Variants in INPP5F observed in about 807,000 individuals in gnomAD.
INPP5F encodes the protein inositol polyphosphate-5-phosphatase F.
In INPP5F, 97 loss-of-function variants were observed where a neutral mutation model predicts 137.2. The ratio of observed to expected loss-of-function variants is 0.71; its 90% CI spans 0.60 to 0.84. The LOEUF (loss-of-function observed/expected upper bound fraction) is 0.84. INPP5F is among the 40% of genes least tolerant of loss of function. The pLI is 0.00. For missense variants in INPP5F, 1,271 were observed against 1,371.9 expected (o/e 0.93, Z 1.16); for synonymous variants, 504 against 476.9 (o/e 1.06, Z -0.74).
chr10:119,774,928 T>C (rs1175106474), intron 2 of INPP5F, among the ~76,000 whole-genome samples: 1 of 152,120 alleles, frequency 6.6e-6, no homozygotes, highest in Non-Finnish European at 1.5e-5. Context: ...ATGAAAAATA[T>C]ACAGCATATA....
chr10:119,822,294 C>T (rs546116857), intron 16 of INPP5F, 137 bp from the exon 17 acceptor site: 6 of 489,300 alleles, frequency 1.2e-5, no homozygotes, highest in Non-Finnish European at 2.2e-5. Flanking sequence ...TTATGTTTAA[C>T]ATTTTACCCC....
chr10:119,751,127 G>T lies in INPP5F; in HGVS notation c.149G>T (p.Gly50Val). The change falls in exon 2 of 20, where the codon GGT becomes GTT. Residue 50 changes from glycine to valine, a missense_variant. Coordinates refer to ENST00000650623, the MANE Select transcript of INPP5F (RefSeq NM_014937.4). The stretch of plus-strand genomic sequence containing the variant: ...CCCATTTGTTTGGGGTTGGTAGAAG[G>T]TGTTATTGGGAAAATTCAACTTCAT... ...WNPICLGLVE[G>V]VIGKIQLHSD... 1 of 1,610,490 alleles carries T rather than the reference G, an allele frequency of 6.2e-7. No individual in the cohort carries two copies. The highest frequency in any genetic ancestry group is 8.5e-7 in the Non-Finnish European group (1 of 1,176,726).
chr10:119,742,152 C>CTTACTTAT (rs112362003), intron 1 of INPP5F, among the ~76,000 whole-genome samples: 78 of 150,220 alleles, frequency 5.2e-4, no homozygotes, highest in Middle Eastern at 3.4e-3. Flanking sequence ...TGTTATTTTA[C>CTTACTTAT]TTATTTATTT....
At chr10:119,819,594 C>T (rs1282370231) in intron 15 of INPP5F, 4 of 1,415,322 alleles carry the variant, frequency 2.8e-6, no homozygotes, top group South Asian at 1.4e-5. Flanking sequence ...GTATTATTCT[C>T]TATGAAGCTG....
In INPP5F at chr10:119,822,970, C is replaced by A. The variant is rs533723299; in HGVS notation, c.2033-101C>A. ...CAGAAGTTTGTATTTTGTGTGCTGT[C>A]ATTTATATTATGAAGAAAAATGTGT... On this transcript the variant is annotated intron_variant, in intron 17 of 19. Coordinates refer to ENST00000650623, the MANE Select transcript of INPP5F (RefSeq NM_014937.4). The A allele has an allele frequency of 1.1e-4, 125 of 1,185,968 alleles. No individual in the cohort carries two copies. In the African/African-American group the frequency reaches 1.7e-3, roughly 16 times the overall value. The allele number at this position is 1,185,968 out of a possible 1,614,324, so 73.5% of individuals were successfully genotyped here.
At chr10:119,732,697 C>T (rs1050603214) in intron 1 of INPP5F, among the ~76,000 whole-genome samples, 2 of 151,730 alleles carry the variant, frequency 1.3e-5, no homozygotes, top group African/African-American at 4.8e-5. Flanking sequence ...GACGGGGTTT[C>T]GCCGTATTGG....
intron 1 of INPP5F, among the ~76,000 whole-genome samples, chr10:119,738,196 T>C (rs745548344): frequency 1.3e-5 from 2 of 152,260 alleles, no homozygotes; most frequent in African/African-American, 2.4e-5. Flanking sequence ...TTAGGGTGTA[T>C]GTTGCATTAT....
chr10:119,733,634 A>G (rs986073554), intron 1 of INPP5F, among the ~76,000 whole-genome samples: 9 of 152,158 alleles, frequency 5.9e-5, no homozygotes, highest in South Asian at 2.1e-4. Flanking sequence ...TTGTAGAATC[A>G]CTGGTTCCTA....
intron 1 of INPP5F, among the ~76,000 whole-genome samples, chr10:119,726,724 C>T (rs1847904433): frequency 6.6e-6 from 1 of 152,232 alleles, no homozygotes; most frequent in Non-Finnish European, 1.5e-5. Context: ...TGGAGTAGTT[C>T]TTACATGGCC....
At chr10:119,763,123 G>A (rs1302585941) in intron 2 of INPP5F, among the ~76,000 whole-genome samples, 1 of 152,196 alleles carries the variant, frequency 6.6e-6, no homozygotes, top group South Asian at 2.1e-4. Context: ...AAATAGGAAA[G>A]AAGAAAGAGG....
chr10:119,778,390 A>C (rs1001695482), intron 2 of INPP5F, among the ~76,000 whole-genome samples: 5 of 152,194 alleles, frequency 3.3e-5, no homozygotes, highest in Non-Finnish European at 7.3e-5. Flanking sequence ...CACAATTTCA[A>C]TAATTTTTGG....
chr10:119,750,955 A>T, intron 1 of INPP5F, 121 bp from the exon 2 acceptor site: 1 of 689,990 alleles, frequency 1.4e-6, no homozygotes, highest in East Asian at 2.6e-5. Flanking sequence ...AATGTATTCC[A>T]TTTGGATATT....
intron 2 of INPP5F, among the ~76,000 whole-genome samples, chr10:119,762,516 G>C (rs542388588): frequency 6.6e-6 from 1 of 152,200 alleles, no homozygotes; most frequent in South Asian, 2.1e-4. Context: ...ATACAGTCAC[G>C]GTCCTCCCTA....
At position 119,806,455 on chromosome 10, in the gene INPP5F, T is replaced by C; in HGVS notation, c.1415T>C (p.Ile472Thr). The C allele has an allele frequency of 6.2e-7, 1 of 1,608,222 alleles. No homozygotes were observed. The highest frequency in any genetic ancestry group is 8.5e-7 in the Non-Finnish European group (1 of 1,177,726). Reference sequence around the variant, plus strand: ...CGCACCAACGTGGTCCAAGCTGCCATCGCGAGAGTGGTCATGGAACAGCAG... The same window carrying C: ...CGCACCAACGTGGTCCAAGCTGCCACCGCGAGAGTGGTCATGGAACAGCAG... ...LDRTNVVQAA[I>T]ARVVMEQQLK... Residue 472 changes from isoleucine (I) to threonine (T), a missense_variant, in exon 12 of 20, where the codon ATC (isoleucine) becomes ACC (threonine). Coordinates refer to ENST00000650623, the MANE Select transcript of INPP5F (RefSeq NM_014937.4).
At chr10:119,800,589 A>C (rs1360918642) in intron 9 of INPP5F, among the ~76,000 whole-genome samples, 1 of 151,736 alleles carries the variant, frequency 6.6e-6, no homozygotes, top group African/African-American at 2.4e-5. Context: ...AAAACCTAAA[A>C]GTTTATTCAA....
In INPP5F at chr10:119,739,022, G is replaced by GAA. The variant is rs11418849; in HGVS notation, c.98-12042_98-12041dup. Among the ~76,000 whole-genome samples, 257 of 146,240 alleles carry GAA rather than the reference G, an allele frequency of 1.8e-3. 2 individuals are homozygous for GAA. Among genetic ancestry groups the GAA allele is most frequent in the South Asian group, 9.1e-3 (42 of 4,626 alleles). ...TATAGATAGACCTTATCTCTACTAAGAAAAAAAAAAAAATGAGGTGGGCAT... is the reference window on the plus strand; with the variant it reads ...TATAGATAGACCTTATCTCTACTAAGAAAAAAAAAAAAAAATGAGGTGGGCAT... On this transcript the variant is annotated intron_variant, in intron 1 of 19. Coordinates refer to ENST00000650623, the MANE Select transcript of INPP5F (RefSeq NM_014937.4).
chr10:119,810,139 G>A lies in INPP5F; in HGVS notation c.1609G>A (p.Val537Ile). 1 of 1,613,316 alleles carries A rather than the reference G, an allele frequency of 6.2e-7. No individual in the cohort carries two copies. Among genetic ancestry groups the A allele is most frequent in the Non-Finnish European group, 8.5e-7 (1 of 1,179,426 alleles). The change falls in exon 14 of 20, where the codon GTT becomes ATT. Residue 537 changes from valine (V) to isoleucine (I), a missense_variant. Around this residue, in one of 6 missense-constraint regions of INPP5F, gnomAD observed 593 missense variants for 712.4 expected, o/e 0.83. Transcript: ENST00000650623. Reference sequence around the variant, plus strand: ...GACAGGAGAAAGGAAGTTAGCAGGAGTTATGAAAGATGGAGTGAACTCAGC... The same window carrying A: ...GACAGGAGAAAGGAAGTTAGCAGGAATTATGAAAGATGGAGTGAACTCAGC... ...TRTGERKLAG[V>I]MKDGVNSANR...
chr10:119,823,080 C>T lies in INPP5F; in HGVS notation c.2042C>T (p.Pro681Leu). ...NLEKIEIGPE[P>L]TLFGKPKFSC... is the part of the protein sequence containing the mutation. ...TCATTTGGGATTTTAGGCCCTGAAC[C>T]CACTCTTTTTGGTAAGCCAAAGTTC... The change falls in exon 18 of 20, where the codon CCC becomes CTC. Residue 681 changes from proline to leucine, a missense_variant. Physicochemically the swap from Pro to Leu is moderately conservative, Grantham distance 98 (BLOSUM62 -3). This residue lies in a region of INPP5F where 593 missense variants were observed against 712.4 expected (regional missense o/e 0.83). Transcript: ENST00000650623. 6.2e-7 allele frequency: 1 copy of T among 1,612,646 alleles called. No individual in the cohort carries two copies. The highest frequency in any genetic ancestry group is 8.5e-7 in the Non-Finnish European group (1 of 1,179,424).
At chr10:119,817,984 AT>A (rs1370486162) in intron 15 of INPP5F, among the ~76,000 whole-genome samples, 3 of 152,244 alleles carry the variant, frequency 2.0e-5, no homozygotes, top group Middle Eastern at 6.3e-3. Context: ...CATTCTGGAA[AT>A]GCGCAGTCCC....
Sources: allele counts gnomAD v4.1 joint callset (sites outside exome capture counted in the v4.1 genomes callset), GRCh38; gene constraint gnomAD v4.1.1; regional missense constraint gnomAD v4.1.1; transcripts MANE v1.5; gene names NCBI Gene and HGNC (gene_info 2026-07-23, HGNC 2026-07-21).